SAMD13: variants seen among roughly 807,000 people sequenced by gnomAD.
SAMD13 encodes the protein sterile alpha motif domain containing 13.
Under a neutral mutation model 12.4 loss-of-function variants are expected in SAMD13, and 9 were observed. The observed-to-expected ratio is 0.72, with a 90% CI of 0.44 to 1.26. The LOEUF (loss-of-function observed/expected upper bound fraction) is 1.26. Ranked by LOEUF, SAMD13 falls within the 50% of genes most tolerant of loss-of-function variation. The pLI, the probability that SAMD13 is intolerant of heterozygous loss-of-function variation, is 0.00. For missense variants in SAMD13, 84 were observed against 119.6 expected (o/e 0.70, Z 1.39); for synonymous variants, 46 against 45.4 (o/e 1.01, Z -0.05).
At chr1:84,299,916 A>T (rs888411438), upstream of SAMD13, among the ~76,000 whole-genome samples, 1 of 152,102 alleles carries the variant, frequency 6.6e-6, no homozygotes, top group Non-Finnish European at 1.5e-5. Context: ...AGATGCTTGG[A>T]AAAACTTCAC....
rs172736 is a variant in SAMD13 at position 84,329,503 on chromosome 1, C to A, written c.165+3755C>A. 4.6e-3 allele frequency among the ~76,000 whole-genome samples: 704 copies of A among 152,194 alleles called. 3 individuals carry two copies. Among genetic ancestry groups the A allele is most frequent in the African/African-American group, 0.016 (677 of 41,520 alleles). On this transcript the variant is annotated intron_variant, in intron 3 of 3. Transcript: ENST00000394834. ...TGGATGTGGCTTTCTAGCAGCGTGACCTCTTGGAAGATGTCAGGCCATTGA... is the reference window on the plus strand; with the variant it reads ...TGGATGTGGCTTTCTAGCAGCGTGAACTCTTGGAAGATGTCAGGCCATTGA...
chr1:84,313,552 C>T (rs935493305), intron 2 of SAMD13, among the ~76,000 whole-genome samples: 3 of 151,778 alleles, frequency 2.0e-5, no homozygotes, highest in African/African-American at 7.3e-5. Context: ...TCATTTTATC[C>T]TGGGATGGGA....
intron 3 of SAMD13, among the ~76,000 whole-genome samples, chr1:84,338,645 C>G (rs1679354971): frequency 6.6e-6 from 1 of 152,026 alleles, no homozygotes; most frequent in Non-Finnish European, 1.5e-5. Flanking sequence ...ACCACATTAG[C>G]CAGGCTGGTC....
At chr1:84,347,375 G>C (rs1679554891) in intron 3 of SAMD13, among the ~76,000 whole-genome samples, 1 of 152,236 alleles carries the variant, frequency 6.6e-6, no homozygotes, top group Non-Finnish European at 1.5e-5. Flanking sequence ...GGGAAAATCA[G>C]ATTGGAGCAT....
rs947480303 is a variant in SAMD13 at position 84,344,649 on chromosome 1, C to A, written c.166-4982C>A. The stretch of plus-strand genomic sequence containing the variant: ...AAATTCTTCCAAAAATAAACCCTGT[C>A]TTGGTGGGGAAAGGCTGTTTAAAGA... On this transcript the variant is annotated intron_variant, in intron 3 of 3. Coordinates refer to ENST00000394834, the MANE Select transcript of SAMD13 (RefSeq NM_001134663.2). The A allele has an allele frequency of 1.0e-4, 32 of 308,470 alleles. No individual in the cohort carries two copies. In the Admixed American group the frequency reaches 1.3e-3, roughly 13 times the overall value. 19.1% of individuals were successfully genotyped at this position (308,470 alleles called of 1,614,324 possible).
Position 84,304,958 on chromosome 1 carries a change from T to C in SAMD13, c.53+1671T>C, listed in dbSNP as rs2101786477. Among the ~76,000 whole-genome samples, 3 of 152,296 alleles carry C rather than the reference T, an allele frequency of 2.0e-5. No individual in the cohort carries two copies. The South Asian group carries it at 6.2e-4, about 32-fold the overall frequency. ...TTGAATTGTTTCTGTTTCTTAGGTA[T>C]TATAAATAAAGCTGCTTTGATCATT... On this transcript the variant is annotated intron_variant, in intron 2 of 3. Transcript: ENST00000394834.
chr1:84,316,901 A>G (rs1019509419), intron 2 of SAMD13, among the ~76,000 whole-genome samples: 1 of 152,000 alleles, frequency 6.6e-6, no homozygotes, highest in Non-Finnish European at 1.5e-5. Context: ...TCAATGTTTC[A>G]TAGTTTTTAG....
intron 2 of SAMD13, among the ~76,000 whole-genome samples, chr1:84,308,384 T>C (rs961976993): frequency 7.2e-5 from 11 of 152,150 alleles, no homozygotes; most frequent in African/African-American, 2.4e-4. Context: ...GTAGGATGTT[T>C]CTCAGCATCC....
upstream of SAMD13, among the ~76,000 whole-genome samples, chr1:84,300,976 A>G (rs1327094741): frequency 1.3e-5 from 2 of 152,242 alleles, no homozygotes; most frequent in African/African-American, 4.8e-5. Flanking sequence ...TGGGATAAAC[A>G]GTTAAAATTA....
intron 3 of SAMD13, among the ~76,000 whole-genome samples, chr1:84,329,431 G>A (rs1451638090): frequency 2.0e-5 from 3 of 152,190 alleles, no homozygotes; most frequent in African/African-American, 7.2e-5. Flanking sequence ...TTGTGGTGTG[G>A]TCTCATAGCA....
chr1:84,339,741 G>A (rs1362783547), intron 3 of SAMD13, among the ~76,000 whole-genome samples: 2 of 152,200 alleles, frequency 1.3e-5, no homozygotes, highest in Non-Finnish European at 2.9e-5. Flanking sequence ...TGAGGAGTGA[G>A]TGGGAGGCAG....
In SAMD13 at chr1:84,349,786, T is replaced by TG. The variant is rs889590618; in HGVS notation, c.*16dup. ...ACAACTCTTCATAGTACAGTCAAAT[T>TG]GGGGTCTTCGACCTCAAAAAATACA... is the stretch of plus-strand genomic sequence containing the variant. On this transcript the variant is annotated 3_prime_UTR_variant, in exon 4 of 4. Transcript: ENST00000394834. 1 of 1,594,734 alleles carries TG rather than the reference T, an allele frequency of 6.3e-7. No individual in the cohort carries two copies. The highest frequency in any genetic ancestry group is 1.4e-5 in the African/African-American group (1 of 73,846).
chr1:84,307,913 A>G (rs532937124), intron 2 of SAMD13, among the ~76,000 whole-genome samples: 42 of 152,244 alleles, frequency 2.8e-4, no homozygotes, highest in African/African-American at 1.0e-3. Context: ...TAAACCTTCA[A>G]GGTTTGTTCC....
chr1:84,341,639 G>A (rs571467892), intron 3 of SAMD13, among the ~76,000 whole-genome samples: 1 of 152,108 alleles, frequency 6.6e-6, no homozygotes, highest in Admixed American at 6.5e-5. Flanking sequence ...TAGCTCCCTG[G>A]TCAATCATTG....
chr1:84,307,518 C>T (rs1678605483), intron 2 of SAMD13, among the ~76,000 whole-genome samples: 1 of 152,132 alleles, frequency 6.6e-6, no homozygotes, highest in Admixed American at 6.6e-5. Flanking sequence ...GTTTCTCAGT[C>T]AGTTTCAATT....
chr1:84,314,909 G>A (rs1678795985), intron 2 of SAMD13, among the ~76,000 whole-genome samples: 1 of 152,008 alleles, frequency 6.6e-6, no homozygotes, highest in South Asian at 2.1e-4. Flanking sequence ...CGTATGATAA[G>A]TTAGAGTGTG....
At chr1:84,328,759 C>G (rs1679113037) in intron 3 of SAMD13, among the ~76,000 whole-genome samples, 1 of 152,148 alleles carries the variant, frequency 6.6e-6, no homozygotes, top group African/African-American at 2.4e-5. Flanking sequence ...CAGGCCTTCT[C>G]CAGCCCAAGC....
At chr1:84,316,886 T>C (rs1421573733) in intron 2 of SAMD13, among the ~76,000 whole-genome samples, 2 of 152,144 alleles carry the variant, frequency 1.3e-5, no homozygotes, top group Non-Finnish European at 2.9e-5. Context: ...CTTTAATTAC[T>C]TTCATCAATG....
At chr1:84,343,467 A>G (rs551225350) in intron 3 of SAMD13, among the ~76,000 whole-genome samples, 1 of 152,352 alleles carries the variant, frequency 6.6e-6, no homozygotes, top group African/African-American at 2.4e-5. Context: ...ATGCCCATCA[A>G]TGATAGACTG....
Sources: gnomAD v4.1 joint callset for allele counts (sites outside exome capture counted in the v4.1 genomes callset) on GRCh38, gnomAD v4.1.1 for gene constraint, MANE v1.5 for transcripts, NCBI Gene and HGNC (gene_info 2026-07-23, HGNC 2026-07-21) for gene names.